The following PRKN variants were observed in gnomAD, a reference collection of about 807,000 sequenced individuals.
The protein encoded by PRKN is parkin RBR E3 ubiquitin protein ligase.
In PRKN, 56 loss-of-function variants were observed where a neutral mutation model predicts 59.5. The ratio of observed to expected loss-of-function variants is 0.94; its 90% CI spans 0.76 to 1.18. The LOEUF is 1.18. PRKN is among the 50% of genes most tolerant of loss of function. The probability of loss-of-function intolerance (pLI) is 0.00; values close to 1 mark genes in which losing one functional copy is unlikely to be tolerated. For missense variants in PRKN, 657 were observed against 596.4 expected (o/e 1.10, Z -1.06); for synonymous variants, 250 against 222.1 (o/e 1.13, Z -1.12).
At chr6:162,675,022 AC>A (rs1345401621) in intron 1 of PRKN, among the ~76,000 whole-genome samples, 7 of 128,342 alleles carry the variant, frequency 5.5e-5, no homozygotes, top group Admixed American at 5.3e-4. Context: ...GAGAAAGAAG[AC>A]TTTATTTTAT....
chr6:162,594,581 A>T (rs542724877), intron 1 of PRKN, among the ~76,000 whole-genome samples: 1 of 152,272 alleles, frequency 6.6e-6, no homozygotes, highest in South Asian at 2.1e-4. Flanking sequence ...AATATGTATG[A>T]CTTGCATGGT....
At chr6:162,586,531 A>G (rs1781067759) in intron 1 of PRKN, among the ~76,000 whole-genome samples, 2 of 152,170 alleles carry the variant, frequency 1.3e-5, no homozygotes, top group Admixed American at 1.3e-4. Context: ...GTGTCCTGGG[A>G]ATCTCAGAAG....
chr6:162,333,043 T>C (rs1411244432), intron 2 of PRKN, among the ~76,000 whole-genome samples: 2 of 152,128 alleles, frequency 1.3e-5, no homozygotes, highest in Non-Finnish European at 2.9e-5. Flanking sequence ...TTTGAGATAA[T>C]ATTAAGGGGA....
At chr6:162,711,573 T>C (rs1298262593) in intron 1 of PRKN, among the ~76,000 whole-genome samples, 1 of 152,130 alleles carries the variant, frequency 6.6e-6, no homozygotes, top group Non-Finnish European at 1.5e-5. Flanking sequence ...CAACCTGACA[T>C]ACAAATTCAT....
chr6:162,556,342 GGTGTGTGTGT>G lies in PRKN; in HGVS notation c.8-112879_8-112870del, dbSNP rs202002846. Among the ~76,000 whole-genome samples, 77 of 57,290 alleles carry G rather than the reference GGTGTGTGTGT, an allele frequency of 1.3e-3. 1 individual carries two copies. Among genetic ancestry groups the G allele is most frequent in the African/African-American group, 3.0e-3 (41 of 13,880 alleles). 37.6% of individuals were successfully genotyped at this position (57,290 alleles called of 152,430 possible). A position where few individuals can be genotyped will look rare whatever the true frequency, so the allele number is the denominator to read the frequency against. On this transcript the variant is annotated intron_variant, in intron 1 of 11. Transcript: ENST00000366898. ...GAAACCAAGCAGTAACTACTCAGCT[GGTGTGTGTGT>G]GTGTGTGTGTGTGTGTGTGTGTGTG...
At chr6:162,725,489 G>A (rs1779115511) in intron 1 of PRKN, among the ~76,000 whole-genome samples, 1 of 152,186 alleles carries the variant, frequency 6.6e-6, no homozygotes, top group Admixed American at 6.5e-5. Context: ...GCTGGGCGTG[G>A]TGGTTCATGC....
chr6:161,778,168 G>T (rs917700605), intron 7 of PRKN, among the ~76,000 whole-genome samples: 1 of 152,022 alleles, frequency 6.6e-6, no homozygotes, highest in Non-Finnish European at 1.5e-5. Context: ...TCTTCCACAG[G>T]TTGAGTGGTG....
At chr6:162,274,468 C>T (rs577956992) in intron 2 of PRKN, among the ~76,000 whole-genome samples, 1 of 152,190 alleles carries the variant, frequency 6.6e-6, no homozygotes, top group African/African-American at 2.4e-5. Context: ...GATTACAGGC[C>T]TGAGCTACTG....
chr6:162,226,971 C>A (rs559038791), intron 3 of PRKN, among the ~76,000 whole-genome samples: 1 of 152,196 alleles, frequency 6.6e-6, no homozygotes, highest in African/African-American at 2.4e-5. Flanking sequence ...TCTCTTGCTG[C>A]GCTAATGATC....
chr6:161,973,371 G>A lies in PRKN; in HGVS notation c.665C>T (p.Thr222Ile). The A allele has an allele frequency of 1.9e-6, 3 of 1,613,734 alleles. No homozygotes were observed. Among genetic ancestry groups the A allele is most frequent in the Non-Finnish European group, 2.5e-6 (3 of 1,179,650 alleles). Reference protein sequence around the residue: ...CGAHPTSDKETSVALHLIATN... With the variant: ...CGAHPTSDKEISVALHLIATN... ...TGCGATCAGGTGCAAAGCTACTGAT[G>A]TTTCCTTGTCAGAGGTGGGGTGTGC... The change falls in exon 6 of 12, where the codon ACA becomes ATA. Residue 222 changes from threonine (T) to isoleucine (I), a missense_variant. By Grantham distance (89) the Thr-to-Ile change is moderately conservative. Transcript: ENST00000366898.
chr6:161,510,002 G>C (rs890283187), intron 9 of PRKN, among the ~76,000 whole-genome samples: 9 of 152,038 alleles, frequency 5.9e-5, no homozygotes, highest in Non-Finnish European at 1.3e-4. Context: ...GTGCAAGCAA[G>C]GTTTTGCCCA....
chr6:161,361,793 C>T lies in PRKN; in HGVS notation c.1168-1588G>A, dbSNP rs183031552. ...CAGCTGCTCGGAGGCAACGGTAGGTCAATGAGTGCTTCCTTTGCTAAGATC... is the reference window on the plus strand; with the variant it reads ...CAGCTGCTCGGAGGCAACGGTAGGTTAATGAGTGCTTCCTTTGCTAAGATC... On this transcript the variant is annotated intron_variant, in intron 10 of 11. Coordinates refer to ENST00000366898, the MANE Select transcript of PRKN (RefSeq NM_004562.3). The surrounding 1 kb of genome is among the most constrained non-coding windows in gnomAD (Gnocchi z 5.2). Among the ~76,000 whole-genome samples, 60 of 152,314 alleles carry T rather than the reference C, an allele frequency of 3.9e-4. No homozygotes were observed. The highest frequency in any genetic ancestry group is 1.5e-5 in the Non-Finnish European group (1 of 68,030).
At chr6:162,586,889 C>T (rs1192488556) in intron 1 of PRKN, among the ~76,000 whole-genome samples, 2 of 152,056 alleles carry the variant, frequency 1.3e-5, no homozygotes, top group African/African-American at 2.4e-5. Context: ...CAACACTGAC[C>T]GAGTGCCTTA....
At chr6:161,871,720 T>C (rs1794348916) in intron 6 of PRKN, among the ~76,000 whole-genome samples, 1 of 152,146 alleles carries the variant, frequency 6.6e-6, no homozygotes, top group Admixed American at 6.5e-5. Context: ...AAGTTTAAGA[T>C]GTGTGGCTAT....
intron 1 of PRKN, among the ~76,000 whole-genome samples, chr6:162,683,728 TTTGTCTTATAATAATCGG>T (rs1408732809): frequency 6.6e-6 from 1 of 152,114 alleles, no homozygotes; most frequent in Non-Finnish European, 1.5e-5. Context: ...CAAATTTGTC[TTTGTCTTATAATAATCGG>T]TTGTCTTGAG....
intron 1 of PRKN, among the ~76,000 whole-genome samples, chr6:162,565,500 G>A (rs552963000): frequency 6.6e-6 from 1 of 152,214 alleles, no homozygotes; most frequent in East Asian, 1.9e-4. Flanking sequence ...GACAAGCCTG[G>A]CAAACATGGT....
intron 2 of PRKN, among the ~76,000 whole-genome samples, chr6:162,388,537 A>G (rs1312365257): frequency 6.6e-6 from 1 of 152,166 alleles, no homozygotes; most frequent in Non-Finnish European, 1.5e-5. Flanking sequence ...TTCCTAACTC[A>G]GGTCAAAAGG....
At chr6:161,678,216 C>CTTTTTTTTTTTTTTTTTTTT (rs3066554) in intron 7 of PRKN, among the ~76,000 whole-genome samples, 2 of 64,940 alleles carry the variant, frequency 3.1e-5, no homozygotes, top group African/African-American at 1.6e-4. Context: ...TACTGAATCA[C>CTTTTTTTTTTTTTTTTTTTT]TTTTTTTTTT....
At position 161,530,505 on chromosome 6, in the gene PRKN, CTT is replaced by C. The variant is rs372514631; in HGVS notation, c.1083+18347_1083+18348del. The stretch of plus-strand genomic sequence containing the variant: ...CGAAGAAGACCTATACGGCTTGCTT[CTT>C]TTTTTCTTTTTTTCTTTTTTTTTTT... On this transcript the variant is annotated intron_variant, in intron 9 of 11. Coordinates refer to ENST00000366898, the MANE Select transcript of PRKN (RefSeq NM_004562.3). This position sits in a 1 kb window ranked among gnomAD's most constrained non-coding sequence, Gnocchi z 5.0. Among the ~76,000 whole-genome samples the C allele has an allele frequency of 4.8e-5, 7 of 147,076 alleles. No homozygotes were observed. Among genetic ancestry groups the C allele is most frequent in the Admixed American group, 2.0e-4 (3 of 15,036 alleles).
Sources: allele counts gnomAD v4.1 joint callset (sites outside exome capture counted in the v4.1 genomes callset), GRCh38; gene constraint gnomAD v4.1.1; non-coding constraint Gnocchi (gnomAD v3.1); transcripts MANE v1.5; gene names NCBI Gene and HGNC (gene_info 2026-07-23, HGNC 2026-07-21).